The following KLF8 variants were observed in gnomAD, a reference collection of about 807,000 sequenced individuals.
KLF8 encodes KLF transcription factor 8.
Under a neutral mutation model 18.2 loss-of-function variants are expected in KLF8, and 10 were observed. The observed-to-expected ratio is 0.55, with a 90% confidence interval of 0.34 to 0.93. The LOEUF is 0.93. Ranked by LOEUF, KLF8 falls within the 40% of genes least tolerant of loss-of-function variation. The pLI, the probability that KLF8 is intolerant of heterozygous loss-of-function variation, is 0.02. For synonymous variants in KLF8, 109 were observed against 97.3 expected, an observed-to-expected ratio of 1.12 and a Z score of -0.71; for missense variants, 264 against 277.9, an observed-to-expected ratio of 0.95 and a Z score of 0.36.
chrX:56,054,351 A>G, the KLF8 span, among the ~76,000 whole-genome samples: 237 of 111,375 alleles, frequency 2.1e-3, 1 homozygote, highest in African/African-American at 7.3e-3. Context: ...TTACCCAAAC[A>G]TCATTCAGGA....
At chrX:56,135,201 T>G in the KLF8 span, among the ~76,000 whole-genome samples, 22 of 111,072 alleles carry the variant, frequency 2.0e-4, no homozygotes, top group East Asian at 5.6e-4. Context: ...CCATTACTGG[T>G]TATATACCCA....
the KLF8 span, among the ~76,000 whole-genome samples, chrX:56,159,359 G>T: frequency 9.0e-6 from 1 of 111,330 alleles, no homozygotes; most frequent in African/African-American, 3.3e-5. Flanking sequence ...TTTTTTTGTT[G>T]TGTCTCTGCC....
At chrX:56,115,557 A>G in the KLF8 span, among the ~76,000 whole-genome samples, 7 of 111,758 alleles carry the variant, frequency 6.3e-5, no homozygotes, top group Admixed American at 6.6e-4. Flanking sequence ...TAGTGATAGA[A>G]GTGGACCTTA....
the KLF8 span, among the ~76,000 whole-genome samples, chrX:56,182,249 G>A: frequency 5.4e-5 from 6 of 111,924 alleles, no homozygotes; most frequent in East Asian, 2.8e-4. Context: ...CCAGTTGATC[G>A]AATCGGCTAC....
At chrX:56,207,423 C>T in the KLF8 span, among the ~76,000 whole-genome samples, 1 of 112,136 alleles carries the variant, frequency 8.9e-6, no homozygotes, top group South Asian at 3.7e-4. Context: ...AAACTTAATG[C>T]TTTTAACAGT....
At chrX:56,037,484 T>C in the KLF8 span, among the ~76,000 whole-genome samples, 2 of 111,541 alleles carry the variant, frequency 1.8e-5, no homozygotes, top group East Asian at 5.6e-4. Context: ...TTGAGAATAA[T>C]TGATATTAAT....
At chrX:56,098,283 T>A in the KLF8 span, among the ~76,000 whole-genome samples, 5 of 111,807 alleles carry the variant, frequency 4.5e-5, no homozygotes, top group South Asian at 1.8e-3. Flanking sequence ...AATAAACTTT[T>A]AAAAAATAAA....
chrX:55,955,343 G>A, the KLF8 span, among the ~76,000 whole-genome samples: 1 of 111,327 alleles, frequency 9.0e-6, no homozygotes, highest in Non-Finnish European at 1.9e-5. Flanking sequence ...ATAGTAGTAG[G>A]AGATGAGGTC....
chrX:56,105,501 G>A, the KLF8 span, among the ~76,000 whole-genome samples: 43 of 108,816 alleles, frequency 4.0e-4, no homozygotes, highest in Non-Finnish European at 5.9e-4. Context: ...GGATGAAACT[G>A]TGGTTTATCA....
At chrX:56,092,465 G>T in the KLF8 span, among the ~76,000 whole-genome samples, 1 of 111,240 alleles carries the variant, frequency 9.0e-6, no homozygotes, top group African/African-American at 3.3e-5. Context: ...TGATTTTTGT[G>T]TATGGTGAGA....
chrX:55,913,604 T>A, the KLF8 span, among the ~76,000 whole-genome samples: 1 of 111,226 alleles, frequency 9.0e-6, no homozygotes, highest in Admixed American at 9.6e-5. Flanking sequence ...TTCACAGCCC[T>A]CAGAAGGAAC....
At chrX:55,942,534 A>T in the KLF8 span, among the ~76,000 whole-genome samples, 1 of 111,669 alleles carries the variant, frequency 9.0e-6, no homozygotes, top group South Asian at 3.8e-4. Context: ...TAAAATTAAT[A>T]AAAAAAGAAT....
the KLF8 span, among the ~76,000 whole-genome samples, chrX:55,988,678 G>A: frequency 3.2e-3 from 354 of 111,370 alleles, 1 homozygote; most frequent in Non-Finnish European, 5.6e-3. Context: ...ATGACGTGGC[G>A]ATGTGGGCTC....
chrX:56,233,222 G>A lies in KLF8; in HGVS notation c.-113G>A, dbSNP rs2066423317. The A allele has an allele frequency of 3.3e-6, 3 of 919,258 alleles. No homozygotes were observed. Among genetic ancestry groups the A allele is most frequent in the Admixed American group, 2.3e-5 (1 of 43,103 alleles). The allele number at this position is 919,258 out of a possible 1,213,427, so 75.8% of individuals were successfully genotyped here. On this transcript the variant is annotated 5_prime_UTR_variant, in exon 1 of 6. The change abolishes an upstream ATG in the 5' untranslated region. Coordinates refer to ENST00000468660, the MANE Select transcript of KLF8 (RefSeq NM_007250.5). ...ACGAGAACGCGTCGCCCTGCGCTATGTCAGAATGGGGCGGGTGTGAGGGGA... is the reference window on the plus strand; with the variant it reads ...ACGAGAACGCGTCGCCCTGCGCTATATCAGAATGGGGCGGGTGTGAGGGGA...
At chrX:56,091,497 ATTAT>A in the KLF8 span, among the ~76,000 whole-genome samples, 1 of 110,549 alleles carries the variant, frequency 9.0e-6, no homozygotes, top group Non-Finnish European at 1.9e-5. Flanking sequence ...TTTTGATATA[ATTAT>A]TTATTTATTT....
At chrX:56,069,589 G>A in the KLF8 span, among the ~76,000 whole-genome samples, 1 of 111,479 alleles carries the variant, frequency 9.0e-6, no homozygotes, top group Non-Finnish European at 1.9e-5. Context: ...TCGAGCTTCT[G>A]GCCCAGCAGT....
At chrX:56,255,726 C>T (rs2066783568) in intron 2 of KLF8, among the ~76,000 whole-genome samples, 2 of 111,854 alleles carry the variant, frequency 1.8e-5, no homozygotes, top group African/African-American at 6.5e-5. Context: ...TGTCTTTGCA[C>T]CCAGGGATCC....
chrX:56,019,780 G>T, the KLF8 span, among the ~76,000 whole-genome samples: 14 of 111,783 alleles, frequency 1.3e-4, no homozygotes, highest in Non-Finnish European at 5.7e-5. Context: ...AGTCCCTGAG[G>T]AACACAAGAA....
At chrX:55,927,142 T>C in the KLF8 span, among the ~76,000 whole-genome samples, 1 of 112,156 alleles carries the variant, frequency 8.9e-6, no homozygotes, top group Admixed American at 9.5e-5. Flanking sequence ...TATACTCTTA[T>C]GTGATAACTG....
Sources: allele counts gnomAD v4.1 joint callset (sites outside exome capture counted in the v4.1 genomes callset), GRCh38; gene constraint gnomAD v4.1.1; transcripts MANE v1.5; gene names NCBI Gene and HGNC (gene_info 2026-07-23, HGNC 2026-07-21).